The following MAGI2 variants were observed in gnomAD, a reference collection of about 807,000 sequenced individuals.
MAGI2 encodes membrane-associated guanylate kinase, WW and PDZ domain-containing protein 2.
MAGI2 carries 35 observed loss-of-function variants against 133.3 expected under a neutral mutation model. That is an observed-to-expected ratio of 0.26 (90% CI 0.20 to 0.35). The LOEUF is 0.35. Ranked by LOEUF, MAGI2 falls within the 10% of genes least tolerant of loss-of-function variation. The pLI is 1.00. For synonymous variants in MAGI2, 729 were observed against 710.6 expected (o/e 1.03, Z -0.41); for missense variants, 1,636 against 1,863.4 (o/e 0.88, Z 2.25).
At chr7:78,676,369 C>T (rs770139853) in intron 2 of MAGI2, among the ~76,000 whole-genome samples, 2 of 152,068 alleles carry the variant, frequency 1.3e-5, no homozygotes, top group African/African-American at 2.4e-5. Flanking sequence ...GTTTTCTTGG[C>T]GATTCAGACC....
intron 2 of MAGI2, among the ~76,000 whole-genome samples, chr7:78,987,030 C>A (rs1805325999): frequency 6.6e-6 from 1 of 151,876 alleles, no homozygotes; most frequent in African/African-American, 2.4e-5. Flanking sequence ...TAAGCAGCAG[C>A]CCCCAAATTA....
intron 20 of MAGI2, among the ~76,000 whole-genome samples, chr7:78,083,387 G>GGGGGGAGAGAGAGAGAGAGAGAGA (rs1816229903): frequency 3.0e-5 from 1 of 33,300 alleles, no homozygotes; most frequent in Non-Finnish European, 5.2e-5. Flanking sequence ...AGGGAGGGGG[G>GGGGGGAGAGAGAGAGAGAGAGAGA]GAGAGAGAGA....
chr7:79,201,432 T>G (rs1395711380), intron 1 of MAGI2, among the ~76,000 whole-genome samples: 1 of 152,050 alleles, frequency 6.6e-6, no homozygotes, highest in Admixed American at 6.5e-5. Context: ...TCAGGGTGTG[T>G]GCCTCTGATG....
At chr7:79,354,709 C>T (rs988684624) in intron 1 of MAGI2, among the ~76,000 whole-genome samples, 2 of 152,094 alleles carry the variant, frequency 1.3e-5, no homozygotes, top group African/African-American at 2.4e-5. Context: ...GGCATTTACC[C>T]AAAAAGCCTT....
chr7:78,634,110 A>C (rs1433410706), intron 2 of MAGI2, among the ~76,000 whole-genome samples: 2 of 152,214 alleles, frequency 1.3e-5, no homozygotes, highest in Non-Finnish European at 2.9e-5. Context: ...TTGAAGAAAC[A>C]AATTGTCTTT....
intron 21 of MAGI2, 29 bp downstream of exon 21, chr7:78,078,918 A>C (rs765416057): frequency 6.2e-7 from 1 of 1,612,766 alleles, no homozygotes; most frequent in South Asian, 1.1e-5. Context: ...AAGGAAGAGC[A>C]AAAGGGTGAA....
chr7:78,548,648 T>C (rs953083504), intron 3 of MAGI2, among the ~76,000 whole-genome samples: 2 of 152,126 alleles, frequency 1.3e-5, no homozygotes, highest in African/African-American at 2.4e-5. Flanking sequence ...TGAGCTGAGA[T>C]TGTATCACTG....
intron 1 of MAGI2, among the ~76,000 whole-genome samples, chr7:79,226,110 GA>G (rs960091891): frequency 1.3e-5 from 2 of 152,106 alleles, no homozygotes; most frequent in Non-Finnish European, 2.9e-5. Flanking sequence ...AGATAAAAGT[GA>G]AAGTTCATGA....
chr7:79,448,010 C>T (rs1764942491), intron 1 of MAGI2, among the ~76,000 whole-genome samples: 1 of 151,724 alleles, frequency 6.6e-6, no homozygotes, highest in African/African-American at 2.4e-5. Flanking sequence ...GTATAAACTC[C>T]TAAACTTAAT....
Position 78,690,288 on chromosome 7 carries a change from G to A in MAGI2, c.419-63049C>T, listed in dbSNP as rs144620525. On this transcript the variant is annotated intron_variant, in intron 2 of 21. Transcript: ENST00000354212. ...GCTCACAATGTGGTGAACTTGAGGCGGGAGTGAATCGTACATGTAAATCAC... is the reference window on the plus strand; with the variant it reads ...GCTCACAATGTGGTGAACTTGAGGCAGGAGTGAATCGTACATGTAAATCAC... Among the ~76,000 whole-genome samples the A allele has an allele frequency of 4.5e-4, 69 of 152,242 alleles. No homozygotes were observed. In the East Asian group the frequency reaches 0.012, roughly 26 times the overall value.
At chr7:78,516,330 A>G (rs936537717) in intron 4 of MAGI2, among the ~76,000 whole-genome samples, 1 of 152,102 alleles carries the variant, frequency 6.6e-6, no homozygotes, top group Non-Finnish European at 1.5e-5. Flanking sequence ...AGTTTTGAGG[A>G]TAGTTGCATG....
At position 78,729,406 on chromosome 7, in the gene MAGI2, G is replaced by T. The variant is rs538093105; in HGVS notation, c.419-102167C>A. ...TCTAATGAAACTAAAAGTCAATCAG[G>T]ATGGAGTTGGCATAGTACTGAAAGA... is the stretch of plus-strand genomic sequence containing the variant. On this transcript the variant is annotated intron_variant, in intron 2 of 21. Coordinates refer to ENST00000354212, the MANE Select transcript of MAGI2 (RefSeq NM_012301.4). 1.2e-4 allele frequency among the ~76,000 whole-genome samples: 18 copies of T among 152,290 alleles called. 2 individuals carry two copies. In the South Asian group the frequency reaches 3.5e-3, roughly 30 times the overall value.
At chr7:78,248,897 GA>G (rs1435711490) in intron 10 of MAGI2, among the ~76,000 whole-genome samples, 2 of 151,888 alleles carry the variant, frequency 1.3e-5, no homozygotes, top group Non-Finnish European at 2.9e-5. Flanking sequence ...ATTCCATACT[GA>G]AAAAGAACAA....
At chr7:79,230,002 C>G (rs928237390) in intron 1 of MAGI2, among the ~76,000 whole-genome samples, 1 of 136,482 alleles carries the variant, frequency 7.3e-6, no homozygotes, top group African/African-American at 2.8e-5. Context: ...TCCATGTGAT[C>G]TCATTGTTCA....
intron 1 of MAGI2, among the ~76,000 whole-genome samples, chr7:79,166,297 G>T: frequency 6.6e-6 from 1 of 152,042 alleles, no homozygotes; most frequent in East Asian, 1.9e-4. Flanking sequence ...TTGACCCACT[G>T]AAGAGAGAGA....
intron 2 of MAGI2, among the ~76,000 whole-genome samples, chr7:78,658,232 GC>G (rs1812520693): frequency 6.6e-6 from 1 of 152,144 alleles, no homozygotes; most frequent in Non-Finnish European, 1.5e-5. Context: ...GAAAGGAAGA[GC>G]TTTTTCAACA....
chr7:79,230,386 G>A (rs1474107025), intron 1 of MAGI2, among the ~76,000 whole-genome samples: 1 of 151,890 alleles, frequency 6.6e-6, no homozygotes, highest in Non-Finnish European at 1.5e-5. Flanking sequence ...CACAATGGTT[G>A]AACTAGTTTA....
At chr7:79,191,049 T>C (rs1827612370) in intron 1 of MAGI2, among the ~76,000 whole-genome samples, 1 of 151,916 alleles carries the variant, frequency 6.6e-6, no homozygotes, top group East Asian at 1.9e-4. Context: ...GATTTCAGCA[T>C]TGCACTACTC....
intron 1 of MAGI2, among the ~76,000 whole-genome samples, chr7:79,200,992 A>T (rs933379895): frequency 2.6e-5 from 4 of 152,020 alleles, no homozygotes; most frequent in Admixed American, 2.6e-4. Flanking sequence ...AAATGTCACG[A>T]GTACACACAT....
Sources: allele counts gnomAD v4.1 joint callset (sites outside exome capture counted in the v4.1 genomes callset), GRCh38; gene constraint gnomAD v4.1.1; transcripts MANE v1.5; gene names NCBI Gene and HGNC (gene_info 2026-07-23, HGNC 2026-07-21).